TLL1: variants seen among roughly 807,000 people sequenced by gnomAD.
The protein encoded by TLL1 is tolloid-like protein 1.
In TLL1, 49 loss-of-function variants were observed where a neutral mutation model predicts 128.2. That is an observed-to-expected ratio of 0.38 (90% CI 0.30 to 0.48). The LOEUF is 0.48. Among genes scored for constraint, TLL1 ranks in the 20% least tolerant of loss-of-function variants. The pLI is 0.96. For synonymous variants in TLL1, 454 were observed against 418.8 expected (o/e 1.08, Z -1.03); for missense variants, 1,123 against 1,242.0 (o/e 0.90, Z 1.44).
chr4:165,897,053 T>C (rs1731714604), intron 1 of TLL1, among the ~76,000 whole-genome samples: 1 of 152,206 alleles, frequency 6.6e-6, no homozygotes, highest in Non-Finnish European at 1.5e-5. Flanking sequence ...TGTCTTCTTT[T>C]GAGAAATTTT....
chr4:166,023,319 G>C (rs767524019), intron 8 of TLL1, among the ~76,000 whole-genome samples: 1 of 152,130 alleles, frequency 6.6e-6, no homozygotes, highest in Non-Finnish European at 1.5e-5. Context: ...AGAATCACTT[G>C]AACCTGGGAG....
chr4:166,059,833 A>ACCTTAAAAATGAGACT (rs1159117172), intron 14 of TLL1, among the ~76,000 whole-genome samples, 195 bp from the exon 15 acceptor site: 1 of 152,064 alleles, frequency 6.6e-6, no homozygotes, highest in East Asian at 1.9e-4. Context: ...ACAAAATAAC[A>ACCTTAAAAATGAGACT]CCTTAAAAAT....
At chr4:166,053,950 A>T (rs1490579070) in intron 12 of TLL1, among the ~76,000 whole-genome samples, 1 of 152,196 alleles carries the variant, frequency 6.6e-6, no homozygotes, top group Non-Finnish European at 1.5e-5. Flanking sequence ...AAATTGTCTT[A>T]CAATTTTTAA....
intron 15 of TLL1, among the ~76,000 whole-genome samples, chr4:166,062,234 G>GT (rs1391457820): frequency 2.0e-5 from 3 of 152,162 alleles, no homozygotes; most frequent in African/African-American, 7.2e-5. Context: ...CTTTAAAGTA[G>GT]TTTTTTCCAA....
At chr4:166,092,032 A>T (rs866856674) in intron 19 of TLL1, among the ~76,000 whole-genome samples, 1 of 82,574 alleles carries the variant, frequency 1.2e-5, no homozygotes, top group Non-Finnish European at 2.6e-5. Context: ...TGCCCTTTTC[A>T]TTCAGTTAAG....
At chr4:166,019,716 A>G (rs1738124574) in intron 8 of TLL1, among the ~76,000 whole-genome samples, 1 of 152,120 alleles carries the variant, frequency 6.6e-6, no homozygotes, top group African/African-American at 2.4e-5. Flanking sequence ...TTACTAAATG[A>G]TATATAAATT....
intron 1 of TLL1, among the ~76,000 whole-genome samples, chr4:165,936,951 G>T (rs113407893): frequency 2.6e-5 from 4 of 151,916 alleles, no homozygotes; most frequent in Non-Finnish European, 4.4e-5. Flanking sequence ...AGCAAAAAAC[G>T]AAAGACACCC....
chr4:165,959,517 CT>C (rs942238645), intron 1 of TLL1, among the ~76,000 whole-genome samples: 51 of 152,156 alleles, frequency 3.4e-4, no homozygotes, highest in African/African-American at 9.6e-4. Context: ...TAGAATATTC[CT>C]CCCAACAACT....
In TLL1 at chr4:166,042,154, T is replaced by C. The variant is rs1439011074; in HGVS notation, c.1378+11T>C. The C allele has an allele frequency of 6.4e-7, 1 of 1,567,164 alleles. No individual in the cohort carries two copies. Among genetic ancestry groups the C allele is most frequent in the Non-Finnish European group, 8.8e-7 (1 of 1,138,268 alleles). ...CAGCTGTCTATGAAGGTAAGTCACA[T>C]TGAATTTTAGAGAGTAGTTCATCTT... On this transcript the variant is annotated intron_variant, in intron 11 of 20. Transcript: ENST00000061240.
intron 1 of TLL1, among the ~76,000 whole-genome samples, chr4:165,943,471 A>G (rs1049632253): frequency 6.6e-6 from 1 of 151,906 alleles, no homozygotes; most frequent in South Asian, 2.1e-4. Context: ...ATACTCTTCA[A>G]TATGATTTTT....
intron 1 of TLL1, among the ~76,000 whole-genome samples, chr4:165,896,855 A>G (rs1561012938): frequency 6.6e-6 from 1 of 152,066 alleles, no homozygotes; most frequent in Non-Finnish European, 1.5e-5. Flanking sequence ...GAACTAATTT[A>G]CACTCCCACC....
chr4:166,007,183 T>C (rs1222099505), intron 6 of TLL1, among the ~76,000 whole-genome samples: 1 of 151,716 alleles, frequency 6.6e-6, no homozygotes, highest in African/African-American at 2.4e-5. Flanking sequence ...TCCGGAATCA[T>C]TGAATTTAAG....
chr4:166,010,791 T>C (rs1339575957), intron 7 of TLL1, among the ~76,000 whole-genome samples: 2 of 151,248 alleles, frequency 1.3e-5, no homozygotes, highest in East Asian at 3.9e-4. Context: ...CTTATGTTTA[T>C]TTATTTAATG....
At chr4:165,910,831 C>T (rs1403186097) in intron 1 of TLL1, among the ~76,000 whole-genome samples, 1 of 152,166 alleles carries the variant, frequency 6.6e-6, no homozygotes, top group Non-Finnish European at 1.5e-5. Flanking sequence ...GATTAAGTAA[C>T]ATGCCCATGA....
Position 165,877,872 on chromosome 4 carries a change from T to C in TLL1, c.169+3799T>C, listed in dbSNP as rs969214894. On this transcript the variant is annotated intron_variant, in intron 1 of 20. Transcript: ENST00000061240. ...TAATAGGAGAAATTGAAGAAATTAG[T>C]ATTTTTAATTTTGGGTAGAGGGGTA... Among the ~76,000 whole-genome samples, 10 of 152,160 alleles carry C rather than the reference T, an allele frequency of 6.6e-5. No homozygotes were observed. In the East Asian group the frequency reaches 7.7e-4, roughly 12 times the overall value.
intron 1 of TLL1, among the ~76,000 whole-genome samples, chr4:165,922,181 G>C (rs929158052): frequency 6.6e-6 from 1 of 152,078 alleles, no homozygotes; most frequent in Admixed American, 6.5e-5. Context: ...GAAGTGAATG[G>C]GTAACAGAAG....
chr4:166,090,747 CTA>C (rs1392898548), intron 18 of TLL1, among the ~76,000 whole-genome samples: 1 of 151,952 alleles, frequency 6.6e-6, no homozygotes, highest in Admixed American at 6.6e-5. Flanking sequence ...TCAACGGGTT[CTA>C]TGATTATCAA....
intron 13 of TLL1, 33 bp from the exon 14 acceptor site, chr4:166,057,151 A>G: frequency 6.2e-7 from 1 of 1,612,186 alleles, no homozygotes; most frequent in Non-Finnish European, 8.5e-7. Flanking sequence ...ATATATATGT[A>G]TAGTTGTTCT....
chr4:165,874,060 C>A lies in TLL1; in HGVS notation c.156C>A (p.Asp52Glu). The A allele has an allele frequency of 1.2e-6, 2 of 1,614,126 alleles. No homozygotes were observed. The highest frequency in any genetic ancestry group is 4.5e-5 in the East Asian group (2 of 44,856). Residue 52 changes from aspartate to glutamate, a missense_variant, in exon 1 of 21, where the codon GAC becomes GAA. Transcript: ENST00000061240. ...EDKTETIDYKDPCKAAVFWGD... is the reference protein window; with the variant it reads ...EDKTETIDYKEPCKAAVFWGD... ...AAACAGAGACTATAGATTACAAGGA[C>A]CCGTGTAAAGCCGGTAAGTGGCTCT...
Sources: gnomAD v4.1 joint callset for allele counts (sites outside exome capture counted in the v4.1 genomes callset) on GRCh38, gnomAD v4.1.1 for gene constraint, MANE v1.5 for transcripts, NCBI Gene and HGNC (gene_info 2026-07-23, HGNC 2026-07-21) for gene names.